The following RIT2 variants were observed in gnomAD, a reference collection of about 807,000 sequenced individuals.
RIT2 encodes the protein GTP-binding protein Rit2.
Under a neutral mutation model 23.7 loss-of-function variants are expected in RIT2, and 24 were observed. The ratio of observed to expected loss-of-function variants is 1.01; its 90% confidence interval spans 0.73 to 1.43. The LOEUF (loss-of-function observed/expected upper bound fraction) is 1.43, where lower values mean the gene tolerates loss of function less well. Ranked by LOEUF, RIT2 falls within the 40% of genes most tolerant of loss-of-function variation. The pLI is 0.00. For missense variants in RIT2, 236 were observed against 266.9 expected (o/e 0.88, Z 0.81); for synonymous variants, 107 against 91.1 (o/e 1.17, Z -0.99).
chr18:42,794,415 T>C (rs188631873), intron 4 of RIT2, among the ~76,000 whole-genome samples: 75 of 152,222 alleles, frequency 4.9e-4, no homozygotes, highest in African/African-American at 1.8e-3. Flanking sequence ...TATTGAAAGG[T>C]ATAGATCATT....
At chr18:43,096,613 A>G (rs940112455) in intron 1 of RIT2, among the ~76,000 whole-genome samples, 15 of 151,884 alleles carry the variant, frequency 9.9e-5, no homozygotes, top group African/African-American at 3.1e-4. Context: ...TCAGCCTACA[A>G]TAATATCTAA....
At chr18:43,105,130 GTT>G (rs1491324945) in intron 1 of RIT2, among the ~76,000 whole-genome samples, 1,570 of 148,512 alleles carry the variant, frequency 0.011, 23 homozygotes, top group African/African-American at 0.038. Context: ...GTGTGTGTGT[GTT>G]TGTGTGTGTG....
chr18:42,851,140 G>A (rs1378112264), intron 4 of RIT2, among the ~76,000 whole-genome samples: 1 of 152,154 alleles, frequency 6.6e-6, no homozygotes, highest in Non-Finnish European at 1.5e-5. Context: ...TAATTCAGAT[G>A]ATGCCAAAAG....
At chr18:43,004,783 G>A (rs758656998) in intron 2 of RIT2, among the ~76,000 whole-genome samples, 28 of 151,952 alleles carry the variant, frequency 1.8e-4, no homozygotes, top group Non-Finnish European at 3.5e-4. Flanking sequence ...CTTTCTGTAA[G>A]ATTTTCACAT....
chr18:42,759,174 G>A (rs1254523246), intron 4 of RIT2, among the ~76,000 whole-genome samples: 4 of 151,976 alleles, frequency 2.6e-5, no homozygotes, highest in Non-Finnish European at 4.4e-5. Context: ...TAAGCTTAAG[G>A]GTCATCTTTC....
chr18:42,967,853 A>G (rs913711469), intron 3 of RIT2, among the ~76,000 whole-genome samples: 8 of 151,904 alleles, frequency 5.3e-5, no homozygotes, highest in Non-Finnish European at 1.0e-4. Context: ...TATTTATAAA[A>G]TAATTTTTAA....
intron 1 of RIT2, among the ~76,000 whole-genome samples, chr18:43,058,043 G>A (rs1244423567): frequency 2.0e-5 from 3 of 152,042 alleles, no homozygotes; most frequent in African/African-American, 7.2e-5. Flanking sequence ...TCTGGTAAAT[G>A]TATTATCTCT....
intron 4 of RIT2, among the ~76,000 whole-genome samples, chr18:42,759,782 AAT>A (rs1913258382): frequency 1.5e-5 from 2 of 130,674 alleles, no homozygotes; most frequent in African/African-American, 5.7e-5. Flanking sequence ...TATATATATA[AAT>A]TTTTTTTTCA....
intron 4 of RIT2, among the ~76,000 whole-genome samples, chr18:42,761,368 C>T (rs930290460): frequency 1.3e-5 from 2 of 152,110 alleles, no homozygotes; most frequent in African/African-American, 2.4e-5. Context: ...ATAAAGAAAT[C>T]CCTAAGCATT....
At chr18:42,743,911 G>A (rs1471030018) in intron 4 of RIT2, among the ~76,000 whole-genome samples, 191 bp from the exon 5 acceptor site, 1 of 151,974 alleles carries the variant, frequency 6.6e-6, no homozygotes, top group African/African-American at 2.4e-5. Flanking sequence ...AAAATGCCCT[G>A]CCCCGCCTTA....
chr18:42,836,009 G>A (rs571650330), intron 4 of RIT2, among the ~76,000 whole-genome samples: 20 of 152,128 alleles, frequency 1.3e-4, no homozygotes, highest in African/African-American at 4.8e-4. Flanking sequence ...TAATCTTTAA[G>A]TTTCCTTTCT....
At chr18:42,758,385 C>T (rs1913215211) in intron 4 of RIT2, among the ~76,000 whole-genome samples, 1 of 152,112 alleles carries the variant, frequency 6.6e-6, no homozygotes, top group South Asian at 2.1e-4. Flanking sequence ...TAGATGTTTC[C>T]AGCAATTTTT....
chr18:42,824,599 C>T (rs935279035), intron 4 of RIT2, among the ~76,000 whole-genome samples: 3 of 151,892 alleles, frequency 2.0e-5, no homozygotes, highest in Non-Finnish European at 4.4e-5. Context: ...CCTAATAATG[C>T]ATGGTTATAA....
intron 4 of RIT2, among the ~76,000 whole-genome samples, chr18:42,887,104 G>C (rs1280032220): frequency 6.6e-6 from 1 of 152,106 alleles, no homozygotes; most frequent in East Asian, 1.9e-4. Flanking sequence ...TTTGAAATGT[G>C]ACTTTGGAGA....
intron 4 of RIT2, among the ~76,000 whole-genome samples, chr18:42,761,263 T>C (rs1439994813): frequency 6.6e-6 from 1 of 152,204 alleles, no homozygotes; most frequent in Non-Finnish European, 1.5e-5. Flanking sequence ...GTCAATATCC[T>C]GCTTATCCTT....
rs138115424 is a variant in RIT2 at position 42,775,984 on chromosome 18, T to C, written c.427-32264A>G. 3.6e-3 allele frequency among the ~76,000 whole-genome samples: 551 copies of C among 152,204 alleles called. 4 individuals are homozygous for C. The highest frequency in any genetic ancestry group is 6.0e-3 in the Non-Finnish European group (408 of 68,004). On this transcript the variant is annotated intron_variant, in intron 4 of 4. Transcript: ENST00000326695. ...AAGTATCTTGCTTAAGGCAATAAAT[T>C]GATGTGATGAGATCATGAGAAATGC...
At chr18:42,905,283 T>C (rs577615089) in intron 4 of RIT2, among the ~76,000 whole-genome samples, 26 of 152,160 alleles carry the variant, frequency 1.7e-4, no homozygotes, top group Non-Finnish European at 3.4e-4. Context: ...TATGTTAACA[T>C]AGATATCAAA....
chr18:42,825,937 C>G (rs1488899043), intron 4 of RIT2, among the ~76,000 whole-genome samples: 1 of 151,856 alleles, frequency 6.6e-6, no homozygotes, highest in African/African-American at 2.4e-5. Flanking sequence ...TATATAAATG[C>G]ATAATTTTCA....
intron 2 of RIT2, among the ~76,000 whole-genome samples, chr18:43,012,780 T>A (rs1911380531): frequency 6.6e-6 from 1 of 151,728 alleles, no homozygotes; most frequent in African/African-American, 2.4e-5. Context: ...TTCTTATAAC[T>A]CCACATTTTA....
Sources: allele counts gnomAD v4.1 joint callset (sites outside exome capture counted in the v4.1 genomes callset), GRCh38; gene constraint gnomAD v4.1.1; transcripts MANE v1.5; gene names NCBI Gene and HGNC (gene_info 2026-07-23, HGNC 2026-07-21).